The following CPNE7 variants were observed in gnomAD, a reference collection of about 807,000 sequenced individuals.
The protein encoded by CPNE7 is copine-7.
Under a neutral mutation model 66.5 loss-of-function variants are expected in CPNE7, and 78 were observed. The observed-to-expected ratio is 1.17, with a 90% confidence interval of 0.98 to 1.42. The LOEUF (loss-of-function observed/expected upper bound fraction) is 1.42, where lower values mean the gene tolerates loss of function less well. Among genes scored for constraint, CPNE7 ranks in the 40% most tolerant of loss-of-function variants. The pLI, the probability that CPNE7 is intolerant of heterozygous loss-of-function variation, is 0.00. For synonymous variants in CPNE7, 468 were observed against 336.7 expected, an observed-to-expected ratio of 1.39 and a Z score of -4.27; for missense variants, 1,012 against 776.6, an observed-to-expected ratio of 1.30 and a Z score of -3.60.
At chr16:89,589,322 G>A (rs1443000379) in intron 10 of CPNE7, among the ~76,000 whole-genome samples, 1 of 152,156 alleles carries the variant, frequency 6.6e-6, no homozygotes, top group Non-Finnish European at 1.5e-5. Context: ...GGAAGGGCTG[G>A]GTAGCCCTAC....
intron 14 of CPNE7, chr16:89,595,980 A>G (rs542161585): frequency 6.0e-6 from 3 of 499,262 alleles, no homozygotes; most frequent in Admixed American, 2.3e-5. Flanking sequence ...CTACCCGGTG[A>G]GACGCACAGC....
In CPNE7 at chr16:89,583,815, G is replaced by A. The variant is rs1319442988; in HGVS notation, c.432+44G>A. On this transcript the variant is annotated intron_variant, in intron 3 of 14. Coordinates refer to ENST00000319518, the MANE Select transcript of CPNE7 (RefSeq NM_153636.3). ...CCTGCAGCCTGCAGGCCCTGCTGCT[G>A]TGGCTCCGAGGGGTGTTGTGGGCGG... 4 of 1,603,554 alleles carry A rather than the reference G, an allele frequency of 2.5e-6. No homozygotes were observed. The South Asian group carries it at 3.3e-5, about 13-fold the overall frequency.
chr16:89,585,229 C>A (rs995093213), intron 5 of CPNE7, among the ~76,000 whole-genome samples: 1 of 152,186 alleles, frequency 6.6e-6, no homozygotes, highest in African/African-American at 2.4e-5. Flanking sequence ...TCAGAGGTGG[C>A]AGAAGTTACG....
Position 89,586,699 on chromosome 16 carries a change from C to G in CPNE7, c.810C>G (p.Tyr270Ter). The G allele has an allele frequency of 6.2e-7, 1 of 1,612,696 alleles. No homozygotes were observed. Among genetic ancestry groups the G allele is most frequent in the Non-Finnish European group, 8.5e-7 (1 of 1,179,640 alleles). Residue 270 changes from tyrosine to a stop codon, truncating the protein, a stop_gained, in exon 8 of 15, where the codon TAC becomes TAG. Transcript: ENST00000319518. LOFTEE classifies it high-confidence loss of function. The part of the protein sequence containing the change: ...QAQWDCVNPK[Y>*]KQKRRSYKNS... ...AGTGGGACTGTGTGAACCCCAAATA[C>G]AAGCAGAAGAGACGCAGTTATAAGA...
At chr16:89,583,376 G>T in intron 2 of CPNE7, 3 of 1,448,566 alleles carry the variant, frequency 2.1e-6, no homozygotes, top group Non-Finnish European at 2.8e-6. Context: ...CTGTGCAGGT[G>T]CAGGCCAGCT....
chr16:89,591,094 A>G, intron 12 of CPNE7, 33 bp from the exon 13 acceptor site: 2 of 1,613,050 alleles, frequency 1.2e-6, no homozygotes, highest in Non-Finnish European at 1.7e-6. Flanking sequence ...AGGGGAGTGC[A>G]GGGGGGCCGG....
intron 2 of CPNE7, among the ~76,000 whole-genome samples, chr16:89,581,832 A>G (rs1457284716): frequency 6.6e-6 from 1 of 152,068 alleles, no homozygotes; most frequent in Non-Finnish European, 1.5e-5. Context: ...TTTTGAAGAG[A>G]CAGGGGTCTC....
rs772590684 is a variant in CPNE7, at chr16:89,586,680, A to G, written c.791A>G (p.Asp264Gly). ...KAFEEGQAQW[D>G]CVNPKYKQKR... ...TTGTTCCTGCCCCAGGCCCAGTGGG[A>G]CTGTGTGAACCCCAAATACAAGCAG... The change falls in exon 8 of 15, where the codon GAC becomes GGC. Residue 264 changes from aspartate (D) to glycine (G), a missense_variant. Coordinates refer to ENST00000319518, the MANE Select transcript of CPNE7 (RefSeq NM_153636.3). 6.2e-7 allele frequency: 1 copy of G among 1,612,340 alleles called. No homozygotes were observed. Among genetic ancestry groups the G allele is most frequent in the Non-Finnish European group, 8.5e-7 (1 of 1,179,402 alleles).
intron 11 of CPNE7, 45 bp downstream of exon 11, chr16:89,589,996 G>T (rs371654875): frequency 1.5e-4 from 249 of 1,606,618 alleles, no homozygotes; most frequent in Non-Finnish European, 1.9e-4. Context: ...TGCCCTTCTC[G>T]TGCCCTCCCA....
In CPNE7 at chr16:89,584,774, G is replaced by A. The variant is rs1046179589; in HGVS notation, c.508G>A (p.Asp170Asn). ...SFRARKLDDK[D>N]LFSKSDPFLE... ...CAGCAGCCCTTGTGCCTCTCCCCAG[G>A]ACCTCTTCAGCAAGTCCGACCCCTT... The change falls in exon 5 of 15, where the codon GAC (aspartate) becomes AAC (asparagine). Residue 170 changes from aspartate to asparagine, a missense_variant and splice_region_variant. Physicochemically the swap from Asp to Asn is conservative, Grantham distance 23 (BLOSUM62 1). Transcript: ENST00000319518. The surrounding 1 kb of genome is among the most constrained non-coding windows in gnomAD (Gnocchi z 6.0). The A allele has an allele frequency of 4.3e-6, 7 of 1,613,114 alleles. No homozygotes were observed. In the Admixed American group the frequency reaches 1.0e-4, roughly 23 times the overall value.
intron 13 of CPNE7, 104 bp downstream of exon 13, chr16:89,591,364 A>T: frequency 7.1e-7 from 1 of 1,416,580 alleles, no homozygotes; most frequent in South Asian, 1.5e-5. Context: ...CAGCCAGCGC[A>T]GAGGCCCCCA....
chr16:89,580,545 T>C (rs867149997), intron 2 of CPNE7, among the ~76,000 whole-genome samples: 54 of 92,890 alleles, frequency 5.8e-4, no homozygotes, highest in South Asian at 1.6e-3. Context: ...ACCCGTCACA[T>C]GGAACATCCC....
Position 89,587,737 on chromosome 16 carries a change from AT to A in CPNE7, c.927+636del, listed in dbSNP as rs1299506316. 4.1e-4 allele frequency: 62 copies of A among 151,154 alleles called. 6 individuals are homozygous for A. In the East Asian group the frequency reaches 8.8e-3, roughly 21 times the overall value. The allele number at this position is 151,154 out of a possible 1,614,324, so 9.4% of individuals were successfully genotyped here. A position where few individuals can be genotyped will look rare whatever the true frequency, so the allele number is the denominator to read the frequency against. On this transcript the variant is annotated intron_variant, in intron 9 of 14. Coordinates refer to ENST00000319518, the MANE Select transcript of CPNE7 (RefSeq NM_153636.3). ...CATAGCACCCCCGTGTCACCCACAGATACACGGCCCCCGTGTCACCCGCGTG... is the reference window on the plus strand; with the variant it reads ...CATAGCACCCCCGTGTCACCCACAGAACACGGCCCCCGTGTCACCCGCGTG...
Position 89,584,827 on chromosome 16 carries a change from C to G in CPNE7, c.561C>G (p.Asp187Glu), listed in dbSNP as rs2059010204. 6.2e-7 allele frequency: 1 copy of G among 1,613,648 alleles called. No homozygotes were observed. The highest frequency in any genetic ancestry group is 2.2e-5 in the East Asian group (1 of 44,888). ...TGGAGCTCTACAGGGTCAACGACGA[C>G]CAGGGCTTGCAGCTGGTGTACAGGA... is the stretch of plus-strand genomic sequence containing the variant. ...PFLELYRVND[D>E]QGLQLVYRTE... The change falls in exon 5 of 15, where the codon GAC (aspartate) becomes GAG (glutamate). Residue 187 changes from aspartate (D) to glutamate (E), a missense_variant. Asp to Glu is a conservative substitution (Grantham distance 45, BLOSUM62 2). Transcript: ENST00000319518. The surrounding 1 kb of genome is among the most constrained non-coding windows in gnomAD (Gnocchi z 6.0).
Position 89,584,848 on chromosome 16 carries a change from C to T in CPNE7, c.582C>T (p.Tyr194=), listed in dbSNP as rs766527793. The part of the protein sequence containing the change: ...VNDDQGLQLV[Y]RTEVVKNNLN... ...ACGACCAGGGCTTGCAGCTGGTGTA[C>T]AGGACGGAGGTGAGCGGCCGGGGAT... Residue 194 remains tyrosine (Y), a synonymous_variant, in exon 5 of 15, where the codon TAC becomes TAT. Transcript: ENST00000319518. The surrounding 1 kb of genome is among the most constrained non-coding windows in gnomAD (Gnocchi z 6.0). The T allele has an allele frequency of 5.0e-6, 8 of 1,613,362 alleles. No individual in the cohort carries two copies. Among genetic ancestry groups the T allele is most frequent in the African/African-American group, 1.3e-5 (1 of 75,064 alleles).
At position 89,586,764 on chromosome 16, in the gene CPNE7, G is replaced by C. The variant is rs780625629; in HGVS notation, c.867+8G>C. On this transcript the variant is annotated splice_region_variant and intron_variant, in intron 8 of 14. Coordinates refer to ENST00000319518, the MANE Select transcript of CPNE7 (RefSeq NM_153636.3). ...GTCCTGGCTGACCTCAAGGTGAGAG[G>C]TGGCTGTGCCCGAAGCCTCCCCACC... 6 of 1,611,184 alleles carry C rather than the reference G, an allele frequency of 3.7e-6. No individual in the cohort carries two copies. The African/African-American group carries it at 8.0e-5, about 22-fold the overall frequency.
At position 89,588,571 on chromosome 16, in the gene CPNE7, C is replaced by G; in HGVS notation, c.928-104C>G. On this transcript the variant is annotated intron_variant, in intron 9 of 14. Transcript: ENST00000319518. ...CCAGCCCTACCCACCTACGCGACCC[C>G]TGACCCTGAGTCCTGGCCACTCTGG... 8 of 1,479,664 alleles carry G rather than the reference C, an allele frequency of 5.4e-6. No individual in the cohort carries two copies. The South Asian group carries it at 9.8e-5, about 18-fold the overall frequency. The allele number at this position is 1,479,664 out of a possible 1,614,324, so 91.7% of individuals were successfully genotyped here.
intron 7 of CPNE7, 136 bp from the exon 8 acceptor site, chr16:89,586,534 C>G (rs1322903675): frequency 3.0e-6 from 2 of 671,546 alleles, no homozygotes; most frequent in Non-Finnish European, 5.3e-6. Flanking sequence ...TCCTGCTGCC[C>G]TGCAGCAGTG....
chr16:89,576,997 T>C (rs1449702167), intron 1 of CPNE7, among the ~76,000 whole-genome samples: 1 of 152,072 alleles, frequency 6.6e-6, no homozygotes, highest in Admixed American at 6.5e-5. Context: ...CCTCAGAGCG[T>C]GAGCTGTACG....
Sources: gnomAD v4.1 joint callset for allele counts (sites outside exome capture counted in the v4.1 genomes callset) on GRCh38, gnomAD v4.1.1 for gene constraint, Gnocchi (gnomAD v3.1) non-coding constraint, MANE v1.5 for transcripts, NCBI Gene and HGNC (gene_info 2026-07-23, HGNC 2026-07-21) for gene names.